Variants in FARS2 observed in about 807,000 individuals in gnomAD.
The protein encoded by FARS2 is phenylalanine--tRNA ligase, mitochondrial.
Under a neutral mutation model 46.4 loss-of-function variants are expected in FARS2, and 40 were observed. The observed-to-expected ratio is 0.86, with a 90% confidence interval of 0.67 to 1.12. The LOEUF is 1.12. Ranked by LOEUF, FARS2 falls within the 50% of genes most tolerant of loss-of-function variation. The probability of loss-of-function intolerance (pLI) is 0.00; values close to 1 mark genes in which losing one functional copy is unlikely to be tolerated. For missense variants in FARS2, 513 were observed against 567.9 expected, an observed-to-expected ratio of 0.90 and a Z score of 0.98; for synonymous variants, 234 against 214.9, an observed-to-expected ratio of 1.09 and a Z score of -0.78.
intron 5 of FARS2, among the ~76,000 whole-genome samples, chr6:5,576,915 A>G (rs9328316): frequency 0.024 from 3,716 of 151,820 alleles, 83 homozygotes; most frequent in Non-Finnish European, 0.039. Flanking sequence ...TGTCCTTTTG[A>G]TGTCTCCATG....
In FARS2 at chr6:5,651,115, C is replaced by T. The variant is rs536984770; in HGVS notation, c.1217+37795C>T. Among the ~76,000 whole-genome samples the T allele has an allele frequency of 7.2e-5, 11 of 152,108 alleles. No homozygotes were observed. In the South Asian group the frequency reaches 1.5e-3, roughly 20 times the overall value. ...TATAAAGTAATTAGAGACTAAGTGA[C>T]GGGGAGAGGAGACATCAGCAACATA... On this transcript the variant is annotated intron_variant, in intron 6 of 6. Transcript: ENST00000274680.
chr6:5,289,288 A>G (rs56286986), intron 1 of FARS2, among the ~76,000 whole-genome samples: 5,595 of 152,278 alleles, frequency 0.037, 354 homozygotes, highest in African/African-American at 0.13. Flanking sequence ...TTATTTGCCA[A>G]ATCAGGCACT....
chr6:5,641,204 C>T (rs1290109031), intron 6 of FARS2, among the ~76,000 whole-genome samples: 1 of 152,196 alleles, frequency 6.6e-6, no homozygotes, highest in Non-Finnish European at 1.5e-5. Flanking sequence ...GAGGCAAGGG[C>T]ACCAACTGAT....
chr6:5,666,626 A>C (rs1778136344), intron 6 of FARS2, among the ~76,000 whole-genome samples: 2 of 152,220 alleles, frequency 1.3e-5, no homozygotes, highest in Non-Finnish European at 2.9e-5. Flanking sequence ...GATCATATCC[A>C]AATGTAAATT....
chr6:5,699,593 C>T (rs1196682622), intron 6 of FARS2, among the ~76,000 whole-genome samples: 2 of 151,908 alleles, frequency 1.3e-5, no homozygotes, highest in African/African-American at 2.4e-5. Context: ...CTGCAACCTC[C>T]GCCTGCTGGG....
intron 4 of FARS2, among the ~76,000 whole-genome samples, chr6:5,523,409 A>T (rs376798489): frequency 1.8e-3 from 274 of 150,420 alleles, no homozygotes; most frequent in Non-Finnish European, 3.1e-3. Flanking sequence ...CAGTATACAT[A>T]TGCTATCTTT....
At chr6:5,629,805 CA>C (rs1289532227) in intron 6 of FARS2, among the ~76,000 whole-genome samples, 3 of 150,950 alleles carry the variant, frequency 2.0e-5, no homozygotes, top group Non-Finnish European at 4.4e-5. Flanking sequence ...GAGAAGCTGA[CA>C]ATATAAAAAA....
intron 3 of FARS2, 49 bp from the exon 4 acceptor site, chr6:5,430,992 G>T: frequency 6.3e-7 from 1 of 1,585,426 alleles, no homozygotes; most frequent in African/African-American, 1.3e-5. Context: ...ACAAGAAAGG[G>T]CAGACAGCTA....
chr6:5,728,856 T>G (rs74721405), intron 6 of FARS2, among the ~76,000 whole-genome samples: 8,578 of 152,256 alleles, frequency 0.056, 778 homozygotes, highest in African/African-American at 0.2. Context: ...TCGGCAACCC[T>G]ACGTTGCAGG....
At chr6:5,341,403 C>T (rs566202830) in intron 1 of FARS2, among the ~76,000 whole-genome samples, 3 of 149,508 alleles carry the variant, frequency 2.0e-5, no homozygotes, top group South Asian at 2.1e-4. Context: ...GGCCCCTAAT[C>T]GTCTATGTAT....
chr6:5,474,599 C>T (rs996086144), intron 4 of FARS2, among the ~76,000 whole-genome samples: 12 of 150,568 alleles, frequency 8.0e-5, no homozygotes, highest in African/African-American at 2.4e-4. Context: ...TGTAATGTGA[C>T]GGTACATTTT....
chr6:5,347,426 T>C (rs1005248693), intron 1 of FARS2, among the ~76,000 whole-genome samples: 6 of 152,250 alleles, frequency 3.9e-5, no homozygotes, highest in African/African-American at 1.2e-4. Flanking sequence ...TCATATATAT[T>C]CTTTGTGTCT....
intron 4 of FARS2, among the ~76,000 whole-genome samples, chr6:5,529,283 T>A (rs564473573): frequency 6.6e-6 from 1 of 152,296 alleles, no homozygotes; most frequent in Non-Finnish European, 1.5e-5. Flanking sequence ...ATCTATCACA[T>A]TTTTTGTACA....
At chr6:5,610,748 C>A (rs112623013) in intron 5 of FARS2, among the ~76,000 whole-genome samples, 94 of 152,212 alleles carry the variant, frequency 6.2e-4, no homozygotes, top group African/African-American at 2.1e-3. Flanking sequence ...ATCGAAGGTC[C>A]CTTTGGATTC....
At chr6:5,561,838 C>T (rs1389790477) in intron 5 of FARS2, among the ~76,000 whole-genome samples, 1 of 151,792 alleles carries the variant, frequency 6.6e-6, no homozygotes, top group Non-Finnish European at 1.5e-5. Context: ...TTTGGTATTT[C>T]TTATTTCTTT....
intron 4 of FARS2, among the ~76,000 whole-genome samples, chr6:5,461,443 G>C (rs570022265): frequency 5.9e-5 from 9 of 152,106 alleles, no homozygotes; most frequent in Non-Finnish European, 1.3e-4. Flanking sequence ...AATTATTCAA[G>C]GATTATTTAG....
At chr6:5,690,042 A>G (rs189215440) in intron 6 of FARS2, among the ~76,000 whole-genome samples, 125 of 151,956 alleles carry the variant, frequency 8.2e-4, no homozygotes, top group Non-Finnish European at 1.1e-3. Context: ...TTTATTTTCC[A>G]TGTGCTTGGT....
intron 6 of FARS2, among the ~76,000 whole-genome samples, chr6:5,689,830 G>A (rs1230635471): frequency 6.6e-6 from 1 of 152,166 alleles, no homozygotes; most frequent in Non-Finnish European, 1.5e-5. Context: ...TTGTGTGGGA[G>A]TCTAAGTCTC....
rs536787424 is a variant in FARS2 at position 5,370,005 on chromosome 6, C to T, written c.612+823C>T. On this transcript the variant is annotated intron_variant, in intron 2 of 6. Transcript: ENST00000274680. ...TCTGTTTTTATATAAGAAACAAATG[C>T]GTTAAACTAAGCACAGGGTGTATTT... Among the ~76,000 whole-genome samples the T allele has an allele frequency of 7.2e-5, 11 of 152,070 alleles. 1 individual carries two copies. The East Asian group carries it at 1.7e-3, about 24-fold the overall frequency.
Sources: allele counts gnomAD v4.1 joint callset (sites outside exome capture counted in the v4.1 genomes callset), GRCh38; gene constraint gnomAD v4.1.1; transcripts MANE v1.5; gene names NCBI Gene and HGNC (gene_info 2026-07-23, HGNC 2026-07-21).